The following UNC13B variants were observed in gnomAD, a reference collection of about 807,000 sequenced individuals.
UNC13B encodes protein unc-13 homolog B.
UNC13B carries 144 observed loss-of-function variants against 211.0 expected under a neutral mutation model. That is an observed-to-expected ratio of 0.68 (90% CI 0.60 to 0.78). The LOEUF is 0.78. UNC13B is among the 30% of genes least tolerant of loss of function. The pLI is 0.00. For synonymous variants in UNC13B, 709 were observed against 725.8 expected (o/e 0.98, Z 0.37); for missense variants, 1,777 against 2,002.0 (o/e 0.89, Z 2.14).
chr9:35,332,875 A>G (rs1831451900), intron 11 of UNC13B, among the ~76,000 whole-genome samples: 1 of 152,188 alleles, frequency 6.6e-6, no homozygotes, highest in African/African-American at 2.4e-5. Context: ...TTTGCCCTCA[A>G]GATTATATAT....
At chr9:35,370,282 G>C (rs1358596126) in intron 12 of UNC13B, 36 bp from the exon 13 acceptor site, 1 of 1,602,596 alleles carries the variant, frequency 6.2e-7, no homozygotes, top group East Asian at 2.2e-5. Context: ...CTCAAAGCAA[G>C]ACTGACGGTC....
At chr9:35,175,426 A>T (rs1194332255) in intron 1 of UNC13B, among the ~76,000 whole-genome samples, 1 of 152,102 alleles carries the variant, frequency 6.6e-6, no homozygotes, top group Non-Finnish European at 1.5e-5. Context: ...GCAGAAGAGG[A>T]GTTGATAGAT....
intron 7 of UNC13B, among the ~76,000 whole-genome samples, chr9:35,295,039 C>T (rs1331800829): frequency 2.0e-5 from 3 of 152,152 alleles, no homozygotes; most frequent in Non-Finnish European, 4.4e-5. Context: ...GAATTCTGAG[C>T]CTAGGGTGTA....
At chr9:35,294,563 C>G (rs1354147012) in intron 7 of UNC13B, among the ~76,000 whole-genome samples, 1 of 152,184 alleles carries the variant, frequency 6.6e-6, no homozygotes, top group African/African-American at 2.4e-5. Context: ...GCCTTGGACT[C>G]CCAAAGTGCT....
intron 1 of UNC13B, among the ~76,000 whole-genome samples, chr9:35,207,545 G>C (rs12553555): frequency 2.9e-3 from 432 of 151,130 alleles, no homozygotes; most frequent in Non-Finnish European, 3.9e-3. Context: ...GTGTTACCCA[G>C]GCTAGTCACG....
rs1381900732 is a variant in UNC13B, at chr9:35,397,659, T to C, written c.11701T>C (p.Tyr3901His). 19 of 1,614,028 alleles carry C rather than the reference T, an allele frequency of 1.2e-5. No individual in the cohort carries two copies. The highest frequency in any genetic ancestry group is 1.6e-5 in the Non-Finnish European group (19 of 1,179,990). ...AKTIGKVLMQ[Y>H]ADILSKDFPA... ...GACCATCGGGAAGGTGCTGATGCAG[T>C]ATGCAGACATCTTGTCAAAGGACTT... Residue 3901 changes from tyrosine to histidine, a missense_variant, in exon 30 of 40, where the codon TAT (tyrosine) becomes CAT (histidine). Transcript: ENST00000635942.
At chr9:35,208,205 G>A (rs192889617) in intron 1 of UNC13B, among the ~76,000 whole-genome samples, 3 of 152,250 alleles carry the variant, frequency 2.0e-5, no homozygotes, top group Admixed American at 6.5e-5. Context: ...TCCTTATTCT[G>A]TAGACCCTGT....
intron 11 of UNC13B, among the ~76,000 whole-genome samples, chr9:35,323,320 A>G (rs1375261767): frequency 6.6e-6 from 1 of 152,068 alleles, no homozygotes; most frequent in African/African-American, 2.4e-5. Context: ...GTAAATAGTT[A>G]TATAGTATTT....
chr9:35,242,149 G>A (rs998700582), intron 5 of UNC13B, among the ~76,000 whole-genome samples: 2 of 151,896 alleles, frequency 1.3e-5, no homozygotes, highest in African/African-American at 4.8e-5. Flanking sequence ...TAGGAATGAG[G>A]ATATACCATT....
chr9:35,344,838 G>A (rs1162837054), intron 11 of UNC13B, among the ~76,000 whole-genome samples: 1 of 152,238 alleles, frequency 6.6e-6, no homozygotes, highest in Non-Finnish European at 1.5e-5. Flanking sequence ...TAAAGGGTTT[G>A]TCCAACTATG....
At chr9:35,327,041 T>G (rs557317383) in intron 11 of UNC13B, among the ~76,000 whole-genome samples, 1 of 152,374 alleles carries the variant, frequency 6.6e-6, no homozygotes, top group African/African-American at 2.4e-5. Flanking sequence ...TCTTTTGAAT[T>G]TGCCATGTTT....
At chr9:35,268,109 C>T (rs1827675700) in intron 7 of UNC13B, among the ~76,000 whole-genome samples, 1 of 152,166 alleles carries the variant, frequency 6.6e-6, no homozygotes, top group African/African-American at 2.4e-5. Context: ...TGGCTCCACT[C>T]CCATTCTTGT....
At position 35,295,903 on chromosome 9, in the gene UNC13B, T is replaced by C; in HGVS notation, c.734T>C (p.Leu245Pro). The C allele has an allele frequency of 6.2e-7, 1 of 1,613,408 alleles. No homozygotes were observed. Among genetic ancestry groups the C allele is most frequent in the Non-Finnish European group, 8.5e-7 (1 of 1,179,682 alleles). The change falls in exon 8 of 40, where the codon CTT becomes CCT. Residue 245 changes from leucine (L) to proline (P), a missense_variant. By Grantham distance (98) the Leu-to-Pro change is moderately conservative. Transcript: ENST00000635942. ...AATGACTCTATGCAAAGTTATGACC[T>C]TGATTATCCAGAGCGGCGGGCTATC... ...SCNDSMQSYD[L>P]DYPERRAIRY... is the part of the protein sequence containing the mutation.
At chr9:35,214,562 A>G (rs1824153666) in intron 1 of UNC13B, among the ~76,000 whole-genome samples, 1 of 152,178 alleles carries the variant, frequency 6.6e-6, no homozygotes, top group African/African-American at 2.4e-5. Flanking sequence ...TTGAATGTAT[A>G]CTAGAAAGAA....
chr9:35,207,818 T>C (rs1823752299), intron 1 of UNC13B, among the ~76,000 whole-genome samples: 1 of 152,228 alleles, frequency 6.6e-6, no homozygotes, highest in South Asian at 2.1e-4. Context: ...TTCGCTTTCT[T>C]AATAGTATCC....
rs116149164 is a variant in UNC13B, at chr9:35,400,956, G to A, written c.12484+513G>A. ...TCCTGGGGCCCTGTGCACAGCTGAG[G>A]CTCCAGTCTCAGGGGTGCTGTTTAT... On this transcript the variant is annotated intron_variant, in intron 37 of 39. Coordinates refer to ENST00000635942, the MANE Select transcript of UNC13B (RefSeq NM_001371189.2). Among the ~76,000 whole-genome samples, 566 of 151,946 alleles carry A rather than the reference G, an allele frequency of 3.7e-3. 3 individuals are homozygous for A. The highest frequency in any genetic ancestry group is 0.013 in the African/African-American group (547 of 41,420).
chr9:35,236,842 C>T (rs1038266130), intron 4 of UNC13B, among the ~76,000 whole-genome samples: 1 of 152,142 alleles, frequency 6.6e-6, no homozygotes, highest in Admixed American at 6.5e-5. Flanking sequence ...TAGATAGCCC[C>T]TTCTGAGGTA....
intron 11 of UNC13B, chr9:35,352,491 T>A: frequency 1.6e-6 from 2 of 1,232,124 alleles, no homozygotes; most frequent in Non-Finnish European, 2.0e-6. Context: ...ATATCATTTT[T>A]TCAACAACAA....
At chr9:35,213,841 A>C (rs1250280124) in intron 1 of UNC13B, among the ~76,000 whole-genome samples, 1 of 152,156 alleles carries the variant, frequency 6.6e-6, no homozygotes, top group Non-Finnish European at 1.5e-5. Flanking sequence ...GCAATCCCTA[A>C]GCCAGTAAGC....
Sources: allele counts gnomAD v4.1 joint callset (sites outside exome capture counted in the v4.1 genomes callset), GRCh38; gene constraint gnomAD v4.1.1; transcripts MANE v1.5; gene names NCBI Gene and HGNC (gene_info 2026-07-23, HGNC 2026-07-21).